The following KCNK16 variants were observed in gnomAD, a reference collection of about 807,000 sequenced individuals.
KCNK16 encodes potassium two pore domain channel subfamily K member 16, also known as potassium channel subfamily K member 16.
In KCNK16, 23 loss-of-function variants were observed where a neutral mutation model predicts 23.0. That is an observed-to-expected ratio of 1.00 (90% confidence interval 0.72 to 1.41). KCNK16 has a LOEUF of 1.41. Among genes scored for constraint, KCNK16 ranks in the 40% most tolerant of loss-of-function variants. KCNK16 has a pLI of 0.00. For synonymous variants in KCNK16, 145 were observed against 153.5 expected (o/e 0.94, Z 0.41); for missense variants, 327 against 365.8 (o/e 0.89, Z 0.87).
downstream of KCNK16, among the ~76,000 whole-genome samples, chr6:39,315,718 C>T (rs1762284934): frequency 6.6e-6 from 1 of 152,192 alleles, no homozygotes; most frequent in Non-Finnish European, 1.5e-5. Context: ...GCATTTTGGG[C>T]ACTGTGTTGG....
At chr6:39,314,864 C>T, downstream of KCNK16, 1 of 858,942 alleles carries the variant, frequency 1.2e-6, no homozygotes, top group Non-Finnish European at 1.8e-6. Context: ...CAGCTGATTG[C>T]CACTTGTCCA....
chr6:39,316,081 C>T (rs1429792387), downstream of KCNK16: 1 of 1,291,212 alleles, frequency 7.7e-7, no homozygotes, highest in African/African-American at 1.5e-5. Context: ...TCCTTTCTCT[C>T]TTGGGAGAGC....
At position 39,322,413 on chromosome 6, in the gene KCNK16, G is replaced by T; in HGVS notation, c.128C>A (p.Ser43Tyr). The T allele has an allele frequency of 6.2e-7, 1 of 1,613,988 alleles. No individual in the cohort carries two copies. Among genetic ancestry groups the T allele is most frequent in the Non-Finnish European group, 8.5e-7 (1 of 1,179,996 alleles). Residue 43 changes from serine (S) to tyrosine (Y), a missense_variant, in exon 1 of 5, where the codon TCC becomes TAC. By Grantham distance (144) the Ser-to-Tyr change is moderately radical. Transcript: ENST00000437525. The stretch of plus-strand genomic sequence containing the variant: ...CTTCTCCAACTGAAACTGGTCCCTG[G>T]ACTGAGCCTCCGCCTGCCTCTCTAG... ...QLLERQAEAQ[S>Y]RDQFQLEKLR...
chr6:39,322,603 G>T lies in KCNK16; in HGVS notation c.-63C>A. Reference sequence around the variant, plus strand: ...TATGGGGGAGAGGTGGGAAACAGGTGAGGAGTAAGCACCTAGGGGCCTGTG... The same window carrying T: ...TATGGGGGAGAGGTGGGAAACAGGTTAGGAGTAAGCACCTAGGGGCCTGTG... On this transcript the variant is annotated 5_prime_UTR_variant, in exon 1 of 5. Coordinates refer to ENST00000437525, the MANE Select transcript of KCNK16 (RefSeq NM_001135106.2). 4 of 1,518,070 alleles carry T rather than the reference G, an allele frequency of 2.6e-6. No individual in the cohort carries two copies. Among genetic ancestry groups the T allele is most frequent in the Non-Finnish European group, 2.6e-6 (3 of 1,136,394 alleles). 94.0% of individuals were successfully genotyped at this position (1,518,070 alleles called of 1,614,324 possible). A position where few individuals can be genotyped will look rare whatever the true frequency, so the allele number is the denominator to read the frequency against.
intron 3 of KCNK16, among the ~76,000 whole-genome samples, chr6:39,317,448 G>A (rs1762359610): frequency 6.6e-6 from 1 of 152,210 alleles, no homozygotes. Context: ...AGGGTGTTCA[G>A]CTGCAGAGAA....
At position 39,322,688 on chromosome 6, in the gene KCNK16, CTGTT is replaced by C. The variant is rs549883173; in HGVS notation, c.-152_-149del. The C allele has an allele frequency of 7.0e-5, 90 of 1,284,958 alleles. No individual in the cohort carries two copies. The East Asian group carries it at 1.1e-3, about 16-fold the overall frequency. 79.6% of individuals were successfully genotyped at this position (1,284,958 alleles called of 1,614,324 possible). On this transcript the variant is annotated 5_prime_UTR_variant, in exon 1 of 5. Transcript: ENST00000437525. ...CACAGGTGTCTGGAGGCTGGGGAGACTGTTTGAACAGTGCGGCTCAGCTTGGCTG... is the reference window on the plus strand; with the variant it reads ...CACAGGTGTCTGGAGGCTGGGGAGACTGAACAGTGCGGCTCAGCTTGGCTG...
intron 1 of KCNK16, among the ~76,000 whole-genome samples, chr6:39,320,727 G>A (rs1016594403): frequency 2.0e-5 from 3 of 152,126 alleles, no homozygotes; most frequent in Non-Finnish European, 4.4e-5. Context: ...CAATCCCTTC[G>A]GGGCTGCAAT....
Position 39,319,189 on chromosome 6 carries a change from AGTT to A in KCNK16, c.214-59_214-57del. The A allele has an allele frequency of 1.0e-6, 1 of 974,114 alleles. No homozygotes were observed. The highest frequency in any genetic ancestry group is 1.7e-6 in the Non-Finnish European group (1 of 600,366). The allele number at this position is 974,114 out of a possible 1,614,324, so 60.3% of individuals were successfully genotyped here. The stretch of plus-strand genomic sequence containing the variant: ...AAGGAGCTGATGGTTACTGGGCACC[AGTT>A]GTTGCCATGCTTTTGGCAGCATGCT... On this transcript the variant is annotated intron_variant, in intron 1 of 4. Coordinates refer to ENST00000437525, the MANE Select transcript of KCNK16 (RefSeq NM_001135106.2). The surrounding 1 kb of genome is among the most constrained non-coding windows in gnomAD (Gnocchi z 4.2).
downstream of KCNK16, chr6:39,314,741 C>G (rs1454957384): frequency 7.5e-5 from 36 of 481,888 alleles, no homozygotes; most frequent in East Asian, 1.2e-3. Context: ...GGGCCCCTGC[C>G]TAAGTTCTTG....
chr6:39,315,380 G>T (rs1273462509), downstream of KCNK16: 5 of 1,551,388 alleles, frequency 3.2e-6, no homozygotes, highest in Non-Finnish European at 3.5e-6. Context: ...TGTTTGGAAA[G>T]GCTCTTGAGA....
Position 39,322,319 on chromosome 6 carries a change from C to T in KCNK16, c.213+9G>A. On this transcript the variant is annotated intron_variant, in intron 1 of 4. Transcript: ENST00000437525. ...CTCTCCATCCCAATCCCACATCGCT[C>T]CCCTTCACCTGCACAAACTGCTCCA... 1 of 1,608,108 alleles carries T rather than the reference C, an allele frequency of 6.2e-7. No homozygotes were observed. The highest frequency in any genetic ancestry group is 8.5e-7 in the Non-Finnish European group (1 of 1,175,020).
At chr6:39,322,268 A>G (rs1026569387) in intron 1 of KCNK16, 60 bp downstream of exon 1, 1 of 1,571,480 alleles carries the variant, frequency 6.4e-7, no homozygotes, top group Non-Finnish European at 8.7e-7. Context: ...TGCCACAGGA[A>G]CCCCATTCCA....
chr6:39,315,587 G>A (rs2146260), downstream of KCNK16, among the ~76,000 whole-genome samples: 2,784 of 152,276 alleles, frequency 0.018, 75 homozygotes, highest in African/African-American at 0.058. Context: ...CTTCCTGAGG[G>A]CAGAGATCCT....
At chr6:39,322,746 A>G, upstream of KCNK16, 2 of 712,504 alleles carry the variant, frequency 2.8e-6, no homozygotes, top group Non-Finnish European at 4.3e-6. Context: ...GAGTGCAAAC[A>G]GGCCGGCCAC....
chr6:39,322,316 G>A lies in KCNK16; in HGVS notation c.213+12C>T, dbSNP rs376536740. 1.0e-4 allele frequency: 166 copies of A among 1,606,086 alleles called. No individual in the cohort carries two copies. The highest frequency in any genetic ancestry group is 1.3e-4 in the Non-Finnish European group (150 of 1,173,628). On this transcript the variant is annotated intron_variant, in intron 1 of 4. Transcript: ENST00000437525. ...AGCCTCTCCATCCCAATCCCACATC[G>A]CTCCCCTTCACCTGCACAAACTGCT...
At chr6:39,317,542 G>A (rs1412672317) in intron 3 of KCNK16, among the ~76,000 whole-genome samples, 2 of 152,170 alleles carry the variant, frequency 1.3e-5, no homozygotes, top group African/African-American at 4.8e-5. Flanking sequence ...GGCTGGTTCC[G>A]CCCACTGTGG....
At position 39,317,767 on chromosome 6, in the gene KCNK16, A is replaced by T; in HGVS notation, c.495+19T>A. On this transcript the variant is annotated intron_variant, in intron 3 of 4. Coordinates refer to ENST00000437525, the MANE Select transcript of KCNK16 (RefSeq NM_001135106.2). Reference sequence around the variant, plus strand: ...ACAGATCTGTCACAGCAGGCCTGTAAGGGAGTTAGGGGGCATACCTGGGAG... The same window carrying T: ...ACAGATCTGTCACAGCAGGCCTGTATGGGAGTTAGGGGGCATACCTGGGAG... The T allele has an allele frequency of 6.4e-7, 1 of 1,556,014 alleles. No individual in the cohort carries two copies. Among genetic ancestry groups the T allele is most frequent in the Non-Finnish European group, 8.7e-7 (1 of 1,150,780 alleles).
At chr6:39,315,262 G>T, downstream of KCNK16, 1 of 1,598,986 alleles carries the variant, frequency 6.3e-7, no homozygotes, top group Non-Finnish European at 8.5e-7. Context: ...AGTCTGGCAG[G>T]GGAAAGGCCA....
intron 4 of KCNK16, 66 bp downstream of exon 4, chr6:39,316,716 T>C: frequency 6.5e-7 from 1 of 1,547,428 alleles, no homozygotes; most frequent in Non-Finnish European, 8.8e-7. Flanking sequence ...TCAGCTGACA[T>C]CTCTCCATCC....
Sources: allele counts gnomAD v4.1 joint callset (sites outside exome capture counted in the v4.1 genomes callset), GRCh38; gene constraint gnomAD v4.1.1; non-coding constraint Gnocchi (gnomAD v3.1); transcripts MANE v1.5; gene names NCBI Gene and HGNC (gene_info 2026-07-23, HGNC 2026-07-21).